KCTD12: variants seen among roughly 807,000 people sequenced by gnomAD.
The protein encoded by KCTD12 is potassium channel tetramerization domain containing 12, also known as BTB/POZ domain-containing protein KCTD12.
In KCTD12, 16 loss-of-function variants were observed where a neutral mutation model predicts 22.6. That is an observed-to-expected ratio of 0.71 (90% CI 0.48 to 1.07). The LOEUF is 1.07. Among genes scored for constraint, KCTD12 ranks in the 50% least tolerant of loss-of-function variants. KCTD12 has a pLI of 0.00. For missense variants in KCTD12, 452 were observed against 469.2 expected (o/e 0.96, Z 0.34); for synonymous variants, 260 against 228.0 (o/e 1.14, Z -1.26).
rs538342343 is a variant in KCTD12, at chr13:76,880,884, C to A, written c.*4287G>T. ...AACAAATCTTGATTAACTAGTCCAT[C>A]TTCCTACCACACATGATTATACTCT... On this transcript the variant is annotated 3_prime_UTR_variant, in exon 1 of 1. Transcript: ENST00000377474. 5 of 152,676 alleles carry A rather than the reference C, an allele frequency of 3.3e-5. No homozygotes were observed. The East Asian group carries it at 9.6e-4, about 29-fold the overall frequency. The allele number at this position is 152,676 out of a possible 1,614,324, so 9.5% of individuals were successfully genotyped here. A position where few individuals can be genotyped will look rare whatever the true frequency, so the allele number is the denominator to read the frequency against.
rs1160806309 is a variant in KCTD12 at position 76,880,890 on chromosome 13, A to C, written c.*4281T>G. On this transcript the variant is annotated 3_prime_UTR_variant, in exon 1 of 1. Transcript: ENST00000377474. ...TCTTGATTAACTAGTCCATCTTCCT[A>C]CCACACATGATTATACTCTAATGTA... is the stretch of plus-strand genomic sequence containing the variant. 1 of 152,578 alleles carries C rather than the reference A, an allele frequency of 6.6e-6. No homozygotes were observed. The highest frequency in any genetic ancestry group is 1.5e-5 in the Non-Finnish European group (1 of 68,010). The allele number at this position is 152,578 out of a possible 1,614,324, so 9.5% of individuals were successfully genotyped here.
Position 76,885,749 on chromosome 13 carries a change from G to T in KCTD12, c.400C>A (p.Gln134Lys). The T allele has an allele frequency of 6.7e-7, 1 of 1,483,678 alleles. No individual in the cohort carries two copies. Among genetic ancestry groups the T allele is most frequent in the Non-Finnish European group, 8.9e-7 (1 of 1,127,334 alleles). 91.9% of individuals were successfully genotyped at this position (1,483,678 alleles called of 1,614,324 possible). ...GAGGGCGGCGGCCCCGGGCCGGGCT[G>T]CTGGGGCGCCCCGAGGCGGCGCACG... is the stretch of plus-strand genomic sequence containing the variant. ...ELVRRLGAPQ[Q>K]PGPGPPPSRR... is the part of the protein sequence containing the mutation. The change falls in exon 1 of 1, where the codon CAG (glutamine) becomes AAG (lysine). Residue 134 changes from glutamine (Q) to lysine (K), a missense_variant. Gln to Lys is a moderately conservative substitution (Grantham distance 53). Transcript: ENST00000377474. This position sits in a 1 kb window ranked among gnomAD's most constrained non-coding sequence, Gnocchi z 5.1.
Position 76,886,262 on chromosome 13 carries a change from C to T in KCTD12, c.-114G>A. ...GACGCTCGCTCAGCCCTGCGCCCCG[C>T]CGCCGCCGCCGCCGCCACCGCCGCC... On this transcript the variant is annotated 5_prime_UTR_variant, in exon 1 of 1. Transcript: ENST00000377474. The T allele has an allele frequency of 8.6e-7, 1 of 1,156,826 alleles. No homozygotes were observed. Among genetic ancestry groups the T allele is most frequent in the Non-Finnish European group, 1.1e-6 (1 of 918,458 alleles). The allele number at this position is 1,156,826 out of a possible 1,614,324, so 71.7% of individuals were successfully genotyped here. A position where few individuals can be genotyped will look rare whatever the true frequency, so the allele number is the denominator to read the frequency against.
In KCTD12 at chr13:76,886,294, ACCGCCGCCACCTCCTAGAG is replaced by A; in HGVS notation, c.-165_-147del. 2.2e-6 allele frequency: 2 copies of A among 928,536 alleles called. No homozygotes were observed. Among genetic ancestry groups the A allele is most frequent in the Non-Finnish European group, 2.9e-6 (2 of 695,774 alleles). The allele number at this position is 928,536 out of a possible 1,614,324, so 57.5% of individuals were successfully genotyped here. On this transcript the variant is annotated 5_prime_UTR_variant, in exon 1 of 1. Coordinates refer to ENST00000377474, the MANE Select transcript of KCTD12 (RefSeq NM_138444.4). ...CGCCGCCGCCACCGCCGCCACCGCC[ACCGCCGCCACCTCCTAGAG>A]CCGCGCGGAGCCGAGCGGTGCGAGC...
rs377318636 is a variant in KCTD12, at chr13:76,885,929, G to T, written c.220C>A (p.Arg74=). 21 of 1,594,174 alleles carry T rather than the reference G, an allele frequency of 1.3e-5. No individual in the cohort carries two copies. The East Asian group carries it at 4.5e-4, about 34-fold the overall frequency. ...FTQQQPQELA[R]DSKGRFFLDR... is the part of the protein sequence containing the mutation. Reference sequence around the variant, plus strand: ...AGAAAGAAGCGGCCTTTGCTGTCCCGGGCCAGCTCCTGCGGCTGCTGCTGC... The same window carrying T: ...AGAAAGAAGCGGCCTTTGCTGTCCCTGGCCAGCTCCTGCGGCTGCTGCTGC... Residue 74 remains arginine (R), a synonymous_variant, in exon 1 of 1, where the codon CGG becomes AGG. Coordinates refer to ENST00000377474, the MANE Select transcript of KCTD12 (RefSeq NM_138444.4). The surrounding 1 kb of genome is among the most constrained non-coding windows in gnomAD (Gnocchi z 5.1).
Position 76,886,121 on chromosome 13 carries a change from A to G in KCTD12, c.28T>C (p.Leu10=), listed in dbSNP as rs1323789747. The part of the protein sequence containing the change: MALADSTRG[L]PNGGGGGGGS... ...CCCCCGCCGCCGCCCCCGTTGGGTA[A>G]TCCACGTGTGCTGTCCGCCAGAGCC... The change falls in exon 1 of 1, where the codon TTA becomes CTA. Residue 10 remains leucine (L), a synonymous_variant. Transcript: ENST00000377474. The G allele has an allele frequency of 3.3e-6, 5 of 1,533,908 alleles. No homozygotes were observed. The highest frequency in any genetic ancestry group is 4.4e-6 in the Non-Finnish European group (5 of 1,140,814).
chr13:76,880,650 T>C lies in KCTD12; in HGVS notation c.*4521A>G, dbSNP rs1357765733. The C allele has an allele frequency of 2.6e-5, 4 of 152,574 alleles. No individual in the cohort carries two copies. Among genetic ancestry groups the C allele is most frequent in the African/African-American group, 9.6e-5 (4 of 41,464 alleles). The allele number at this position is 152,574 out of a possible 1,614,324, so 9.5% of individuals were successfully genotyped here. A position where few individuals can be genotyped will look rare whatever the true frequency, so the allele number is the denominator to read the frequency against. ...AACATCCAGATGGATGTTTTAATCC[T>C]TTGTCACTAAATGGTTACTAACGCT... On this transcript the variant is annotated 3_prime_UTR_variant, in exon 1 of 1. Transcript: ENST00000377474.
Position 76,884,989 on chromosome 13 carries a change from G to A in KCTD12, c.*182C>T. ...CCAAAGAAGACGAAGCAGCCCAGAG[G>A]ATTTGCGGCTGCAGGTTCTGTAGTG... On this transcript the variant is annotated 3_prime_UTR_variant, in exon 1 of 1. Transcript: ENST00000377474. 3 of 660,088 alleles carry A rather than the reference G, an allele frequency of 4.5e-6. No individual in the cohort carries two copies. The highest frequency in any genetic ancestry group is 7.6e-6 in the Non-Finnish European group (3 of 394,270). The allele number at this position is 660,088 out of a possible 1,614,324, so 40.9% of individuals were successfully genotyped here.
At position 76,885,068 on chromosome 13, in the gene KCTD12, G is replaced by A. The variant is rs1451702787; in HGVS notation, c.*103C>T. The A allele has an allele frequency of 9.0e-6, 12 of 1,338,400 alleles. No homozygotes were observed. The highest frequency in any genetic ancestry group is 5.7e-5 in the South Asian group (4 of 70,586). The allele number at this position is 1,338,400 out of a possible 1,614,324, so 82.9% of individuals were successfully genotyped here. A position where few individuals can be genotyped will look rare whatever the true frequency, so the allele number is the denominator to read the frequency against. On this transcript the variant is annotated 3_prime_UTR_variant, in exon 1 of 1. Transcript: ENST00000377474. This position sits in a 1 kb window ranked among gnomAD's most constrained non-coding sequence, Gnocchi z 5.1. The stretch of plus-strand genomic sequence containing the variant: ...CAGCTACTACTGGAGGGGGAGAATG[G>A]GAGGGCAGCAGCCAGGGGACAAAGG...
Position 76,885,886 on chromosome 13 carries a change from AGGAAGCC to A in KCTD12, c.256_262del (p.Gly86SerfsTer166). 1 of 1,597,382 alleles carries A rather than the reference AGGAAGCC, an allele frequency of 6.3e-7. No homozygotes were observed. Among genetic ancestry groups the A allele is most frequent in the South Asian group, 1.1e-5 (1 of 90,878 alleles). On this transcript the variant is annotated frameshift_variant, in exon 1 of 1. Coordinates refer to ENST00000377474, the MANE Select transcript of KCTD12 (RefSeq NM_138444.4). LOFTEE classifies it high-confidence loss of function. This position sits in a 1 kb window ranked among gnomAD's most constrained non-coding sequence, Gnocchi z 5.1. ...CAGGTAATCCAGGATGTAGCGGAAG[AGGAAGCC>A]GTCCCGGTCCAGAAAGAAGCGGCCT... is the stretch of plus-strand genomic sequence containing the variant.
rs2033197991 is a variant in KCTD12 at position 76,881,112 on chromosome 13, A to G, written c.*4059T>C. The G allele has an allele frequency of 6.6e-6, 1 of 152,196 alleles. No individual in the cohort carries two copies. The allele number at this position is 152,196 out of a possible 1,614,324, so 9.4% of individuals were successfully genotyped here. On this transcript the variant is annotated 3_prime_UTR_variant, in exon 1 of 1. Coordinates refer to ENST00000377474, the MANE Select transcript of KCTD12 (RefSeq NM_138444.4). ...ATAGGAGTATTTTACTTATTTCTCA[A>G]GAGACAGACTTATGCCATCTAAGAA...
At position 76,886,105 on chromosome 13, in the gene KCTD12, C is replaced by T. The variant is rs1199154666; in HGVS notation, c.44G>A (p.Gly15Asp). The T allele has an allele frequency of 7.1e-6, 11 of 1,542,306 alleles. No homozygotes were observed. The highest frequency in any genetic ancestry group is 1.4e-5 in the African/African-American group (1 of 72,752). Reference protein sequence around the residue: ...DSTRGLPNGGGGGGGSGSSSS... With the variant: ...DSTRGLPNGGDGGGGSGSSSS... ...CGAGGAGCCACTGCCGCCCCCGCCG[C>T]CGCCCCCGTTGGGTAATCCACGTGT... The change falls in exon 1 of 1, where the codon GGC becomes GAC. Residue 15 changes from glycine to aspartate, a missense_variant. Physicochemically the swap from Gly to Asp is moderately conservative, Grantham distance 94. Coordinates refer to ENST00000377474, the MANE Select transcript of KCTD12 (RefSeq NM_138444.4).
In KCTD12 at chr13:76,884,983, C is replaced by T. The variant is rs528388856; in HGVS notation, c.*188G>A. The T allele has an allele frequency of 3.1e-6, 2 of 644,300 alleles. No homozygotes were observed. Among genetic ancestry groups the T allele is most frequent in the East Asian group, 2.8e-5 (1 of 35,794 alleles). The allele number at this position is 644,300 out of a possible 1,614,324, so 39.9% of individuals were successfully genotyped here. On this transcript the variant is annotated 3_prime_UTR_variant, in exon 1 of 1. Coordinates refer to ENST00000377474, the MANE Select transcript of KCTD12 (RefSeq NM_138444.4). ...GGAGGTCCAAAGAAGACGAAGCAGC[C>T]CAGAGGATTTGCGGCTGCAGGTTCT...
chr13:76,885,394 G>T lies in KCTD12; in HGVS notation c.755C>A (p.Thr252Asn), dbSNP rs757397849. 2 of 1,613,696 alleles carry T rather than the reference G, an allele frequency of 1.2e-6. No individual in the cohort carries two copies. The highest frequency in any genetic ancestry group is 1.3e-5 in the African/African-American group (1 of 74,942). Residue 252 changes from threonine to asparagine, a missense_variant, in exon 1 of 1, where the codon ACC (threonine) becomes AAC (asparagine). Physicochemically the swap from Thr to Asn is moderately conservative, Grantham distance 65. Coordinates refer to ENST00000377474, the MANE Select transcript of KCTD12 (RefSeq NM_138444.4). The surrounding 1 kb of genome is among the most constrained non-coding windows in gnomAD (Gnocchi z 5.1). ...GTCGGGGTCCCGGCTTTCGTTCAGG[G>T]TGTCCCCAAACACCTCCTTGGCCAG... ...TSLAKEVFGD[T>N]LNESRDPDRP...
Position 76,883,121 on chromosome 13 carries a change from T to C in KCTD12, c.*2050A>G, listed in dbSNP as rs2137701199. 1 of 152,304 alleles carries C rather than the reference T, an allele frequency of 6.6e-6. No homozygotes were observed. Among genetic ancestry groups the C allele is most frequent in the East Asian group, 1.9e-4 (1 of 5,180 alleles). 9.4% of individuals were successfully genotyped at this position (152,304 alleles called of 1,614,324 possible). On this transcript the variant is annotated 3_prime_UTR_variant, in exon 1 of 1. Transcript: ENST00000377474. Reference sequence around the variant, plus strand: ...CAGCTGATGCAAATTACTGGGGTAATATAGGAAATTTTATAGCATTAGTAA... The same window carrying C: ...CAGCTGATGCAAATTACTGGGGTAACATAGGAAATTTTATAGCATTAGTAA...
At position 76,884,951 on chromosome 13, in the gene KCTD12, C is replaced by T. The variant is rs2033245622; in HGVS notation, c.*220G>A. 1 of 534,358 alleles carries T rather than the reference C, an allele frequency of 1.9e-6. No homozygotes were observed. Among genetic ancestry groups the T allele is most frequent in the Non-Finnish European group, 3.3e-6 (1 of 303,162 alleles). The allele number at this position is 534,358 out of a possible 1,614,324, so 33.1% of individuals were successfully genotyped here. ...GGGTGGGGGTTCCTCTGGGTTCTCT[C>T]GGTTCAGGAGGTCCAAAGAAGACGA... On this transcript the variant is annotated 3_prime_UTR_variant, in exon 1 of 1. Coordinates refer to ENST00000377474, the MANE Select transcript of KCTD12 (RefSeq NM_138444.4).
rs73237446 is a variant in KCTD12, at chr13:76,885,888, G to A, written c.261C>T (p.Phe87=). 13,676 of 1,597,208 alleles carry A rather than the reference G, an allele frequency of 8.6e-3. 86 individuals are homozygous for A. The highest frequency in any genetic ancestry group is 0.018 in the Middle Eastern group (109 of 6,060). ...KGRFFLDRDG[F]LFRYILDYLR... is the part of the protein sequence containing the mutation. Reference sequence around the variant, plus strand: ...GGTAATCCAGGATGTAGCGGAAGAGGAAGCCGTCCCGGTCCAGAAAGAAGC... The same window carrying A: ...GGTAATCCAGGATGTAGCGGAAGAGAAAGCCGTCCCGGTCCAGAAAGAAGC... The change falls in exon 1 of 1, where the codon TTC becomes TTT. Residue 87 remains phenylalanine, a synonymous_variant. Transcript: ENST00000377474. The surrounding 1 kb of genome is among the most constrained non-coding windows in gnomAD (Gnocchi z 5.1).
In KCTD12 at chr13:76,886,057, A is replaced by T. The variant is rs768791894; in HGVS notation, c.92T>A (p.Leu31His). 99 of 1,574,484 alleles carry T rather than the reference A, an allele frequency of 6.3e-5. No individual in the cohort carries two copies. In the East Asian group the frequency reaches 2.0e-3, roughly 32 times the overall value. The change falls in exon 1 of 1, where the codon CTC becomes CAC. Residue 31 changes from leucine to histidine, a missense_variant. Transcript: ENST00000377474. ...GSSSSSAEPPLFPDIVELNVG... is the reference protein window; with the variant it reads ...GSSSSSAEPPHFPDIVELNVG... ...GTTCAGCTCCACGATGTCGGGGAAG[A>T]GCGGTGGCTCCGCGGAGGACGACGA... is the stretch of plus-strand genomic sequence containing the variant.
At position 76,885,943 on chromosome 13, in the gene KCTD12, G is replaced by A. The variant is rs143013358; in HGVS notation, c.206C>T (p.Pro69Leu). 4.4e-6 allele frequency: 7 copies of A among 1,591,090 alleles called. No homozygotes were observed. The highest frequency in any genetic ancestry group is 4.5e-5 in the East Asian group (2 of 44,136). Residue 69 changes from proline to leucine, a missense_variant, in exon 1 of 1, where the codon CCG becomes CTG. Pro to Leu is a moderately conservative substitution (Grantham distance 98). Coordinates refer to ENST00000377474, the MANE Select transcript of KCTD12 (RefSeq NM_138444.4). The surrounding 1 kb of genome is among the most constrained non-coding windows in gnomAD (Gnocchi z 5.1). ...LLWRMFTQQQPQELARDSKGR... is the reference protein window; with the variant it reads ...LLWRMFTQQQLQELARDSKGR... ...TTTGCTGTCCCGGGCCAGCTCCTGC[G>A]GCTGCTGCTGCGTGAACATGCGCCA...
Sources: gnomAD v4.1 joint callset for allele counts on GRCh38, gnomAD v4.1.1 for gene constraint, Gnocchi (gnomAD v3.1) non-coding constraint, MANE v1.5 for transcripts, NCBI Gene and HGNC (gene_info 2026-07-23, HGNC 2026-07-21) for gene names.